Variants in CEP290 observed in about 807,000 individuals in gnomAD.
The protein encoded by CEP290 is centrosomal protein of 290 kDa.
CEP290 carries 317 observed loss-of-function variants against 344.9 expected under a neutral mutation model. The observed-to-expected ratio is 0.92, with a 90% CI of 0.84 to 1.01. The LOEUF (loss-of-function observed/expected upper bound fraction) is 1.01, where lower values mean the gene tolerates loss of function less well. Among genes scored for constraint, CEP290 ranks in the 50% least tolerant of loss-of-function variants. CEP290 has a pLI of 0.00. For missense variants in CEP290, 2,754 were observed against 2,761.4 expected, an observed-to-expected ratio of 1.00 and a Z score of 0.06; for synonymous variants, 932 against 895.8, an observed-to-expected ratio of 1.04 and a Z score of -0.72.
At position 88,089,570 on chromosome 12, in the gene CEP290, A is replaced by C. The variant is rs1012509148; in HGVS notation, c.3574-83T>G. 5 of 1,086,612 alleles carry C rather than the reference A, an allele frequency of 4.6e-6. No homozygotes were observed. In the African/African-American group the frequency reaches 8.0e-5, roughly 17 times the overall value. 67.3% of individuals were successfully genotyped at this position (1,086,612 alleles called of 1,614,324 possible). A position where few individuals can be genotyped will look rare whatever the true frequency, so the allele number is the denominator to read the frequency against. Reference sequence around the variant, plus strand: ...ATCACAGATTTAAAATTCACAATTTACTAAGCAAAGTTTTAACACAGTGGC... The same window carrying C: ...ATCACAGATTTAAAATTCACAATTTCCTAAGCAAAGTTTTAACACAGTGGC... On this transcript the variant is annotated intron_variant, in intron 30 of 53. Transcript: ENST00000552810.
chr12:88,133,108 T>C (rs2960424), intron 6 of CEP290, among the ~76,000 whole-genome samples: 136,451 of 147,026 alleles, frequency 0.93, 63,420 homozygotes, highest in East Asian at 0.99. Context: ...CAAACTCTAG[T>C]TTTGTTGCTA....
intron 52 of CEP290, 128 bp from the exon 53 acceptor site, chr12:88,050,561 A>G: frequency 1.9e-6 from 1 of 520,112 alleles, no homozygotes. Flanking sequence ...ACTGGATGTT[A>G]TGGCTGAAAT....
chr12:88,059,963 A>T lies in CEP290; in HGVS notation c.6580T>A (p.Ser2194Thr), dbSNP rs768539400. The T allele has an allele frequency of 1.9e-6, 3 of 1,589,670 alleles. No individual in the cohort carries two copies. In the East Asian group the frequency reaches 6.8e-5, roughly 36 times the overall value. Residue 2194 changes from serine (S) to threonine (T), a missense_variant, in exon 48 of 54, where the codon TCC becomes ACC. Physicochemically the swap from Ser to Thr is moderately conservative, Grantham distance 58 (BLOSUM62 1). Coordinates refer to ENST00000552810, the MANE Select transcript of CEP290 (RefSeq NM_025114.4). ...ATTTTTTCTGTGCCTTTGGTCTTGG[A>T]TTCATAGTGCATGCTCAACTGATGC... ...LGHQLSMHYE[S>T]KTKGTEKIIA...
chr12:88,126,301 C>A lies in CEP290; in HGVS notation c.1065+15G>T. 7.0e-7 allele frequency: 1 copy of A among 1,435,326 alleles called. No individual in the cohort carries two copies. 88.9% of individuals were successfully genotyped at this position (1,435,326 alleles called of 1,614,324 possible). ...ATAAAACTGGTTGATAAACAAAATT[C>A]TGTTAAGATTTTACCTGCTGTAGAG... is the stretch of plus-strand genomic sequence containing the variant. On this transcript the variant is annotated intron_variant, in intron 12 of 53. Transcript: ENST00000552810.
Position 88,062,772 on chromosome 12 carries a change from C to G in CEP290, c.6277G>C (p.Val2093Leu). 1.3e-6 allele frequency: 2 copies of G among 1,569,156 alleles called. No individual in the cohort carries two copies. Among genetic ancestry groups the G allele is most frequent in the Non-Finnish European group, 1.7e-6 (2 of 1,152,404 alleles). Residue 2093 changes from valine to leucine, a missense_variant, in exon 46 of 54, where the codon GTC (valine) becomes CTC (leucine). Coordinates refer to ENST00000552810, the MANE Select transcript of CEP290 (RefSeq NM_025114.4). The stretch of plus-strand genomic sequence containing the variant: ...TCACACATTTCCTTCAAATCTCTGA[C>G]TTGATTCTGAAAGATAACAAGCAAA... Reference protein sequence around the residue: ...NKDLPRLKNQVRDLKEMCEFL... With the variant: ...NKDLPRLKNQLRDLKEMCEFL...
At chr12:88,077,419 A>G in intron 40 of CEP290, 75 bp from the exon 41 acceptor site, 2 of 999,158 alleles carry the variant, frequency 2.0e-6, no homozygotes, top group South Asian at 1.8e-5. Context: ...TTTCAATTAT[A>G]TAATAGCAAC....
At position 88,102,968 on chromosome 12, in the gene CEP290, T is replaced by C. The variant is rs886049882; in HGVS notation, c.2861A>G (p.Asp954Gly). The C allele has an allele frequency of 1.3e-6, 2 of 1,581,882 alleles. No individual in the cohort carries two copies. Among genetic ancestry groups the C allele is most frequent in the Admixed American group, 1.9e-5 (1 of 53,432 alleles). ...FKIAALQKVV[D>G]NSVSLSELEL... is the part of the protein sequence containing the mutation. ...TAGTTCAGACAAAGAAACACTATTA[T>C]CTACAACTTTTTGGAGAGCTGCAAT... The change falls in exon 26 of 54, where the codon GAT (aspartate) becomes GGT (glycine). Residue 954 changes from aspartate to glycine, a missense_variant. Transcript: ENST00000552810.
chr12:88,090,936 G>A (rs949045253), intron 29 of CEP290, 97 bp from the exon 30 acceptor site: 22 of 629,920 alleles, frequency 3.5e-5, no homozygotes, highest in African/African-American at 1.5e-4. Context: ...AAAGCCATTC[G>A]TTTTCAGCAT....
At chr12:88,098,032 TA>T (rs2037567155) in intron 26 of CEP290, among the ~76,000 whole-genome samples, 1 of 152,100 alleles carries the variant, frequency 6.6e-6, no homozygotes, top group Non-Finnish European at 1.5e-5. Context: ...GTTGGCCGAT[TA>T]CGGTGGCTCA....
At chr12:88,133,887 A>G (rs2040216231) in intron 6 of CEP290, among the ~76,000 whole-genome samples, 1 of 152,178 alleles carries the variant, frequency 6.6e-6, no homozygotes, top group African/African-American at 2.4e-5. Context: ...AAAGCATTTA[A>G]TGCTATTAAT....
rs748429036 is a variant in CEP290, at chr12:88,136,707, T to A, written c.377A>T (p.Gln126Leu). The A allele has an allele frequency of 1.2e-6, 2 of 1,613,766 alleles. No homozygotes were observed. The highest frequency in any genetic ancestry group is 1.7e-6 in the Non-Finnish European group (2 of 1,179,758). Residue 126 changes from glutamine (Q) to leucine (L), a missense_variant, in exon 6 of 54, where the codon CAA (glutamine) becomes CTA (leucine). By Grantham distance (113) the Gln-to-Leu change is moderately radical. Transcript: ENST00000552810. The part of the protein sequence containing the change: ...EICQLEKQLE[Q>L]KDRELEDMEK... ...CATGTCCTCCAATTCTCTATCTTTT[T>A]GTTCTAATTGTTTTTCAAGTTGGCA...
intron 52 of CEP290, among the ~76,000 whole-genome samples, chr12:88,050,857 C>G (rs1486817824): frequency 2.0e-5 from 3 of 152,184 alleles, no homozygotes; most frequent in African/African-American, 4.8e-5. Context: ...GGTTATTACA[C>G]ATTTACTGTG....
chr12:88,073,253 G>A (rs1453789581), intron 41 of CEP290, among the ~76,000 whole-genome samples: 1 of 152,146 alleles, frequency 6.6e-6, no homozygotes, highest in Non-Finnish European at 1.5e-5. Flanking sequence ...GCTGAGAACT[G>A]CACCAACAAT....
chr12:88,083,108 C>A lies in CEP290; in HGVS notation c.4935G>T (p.Lys1645Asn). 6.5e-7 allele frequency: 1 copy of A among 1,540,206 alleles called. No homozygotes were observed. Among genetic ancestry groups the A allele is most frequent in the Non-Finnish European group, 8.8e-7 (1 of 1,142,178 alleles). ...GTCTCTCCAAATCTTGTGATACTTT[C>A]TTTAGTTTGACCAAGAGTGAGGAAA... The part of the protein sequence containing the change: ...DSLSSLLVKL[K>N]KVSQDLERQR... The change falls in exon 37 of 54, where the codon AAG becomes AAT. Residue 1645 changes from lysine to asparagine, a missense_variant. Coordinates refer to ENST00000552810, the MANE Select transcript of CEP290 (RefSeq NM_025114.4).
chr12:88,085,633 T>A (rs1041146106), intron 34 of CEP290, among the ~76,000 whole-genome samples: 1 of 152,128 alleles, frequency 6.6e-6, no homozygotes, highest in Non-Finnish European at 1.5e-5. Context: ...AAACAGAAAG[T>A]AATTTCTAAT....
At chr12:88,062,181 T>C (rs553374813) in intron 46 of CEP290, among the ~76,000 whole-genome samples, 1 of 152,334 alleles carries the variant, frequency 6.6e-6, no homozygotes, top group African/African-American at 2.4e-5. Flanking sequence ...CTTCCATTTA[T>C]GACACTCAGC....
chr12:88,072,732 T>C (rs1329593649), intron 41 of CEP290, among the ~76,000 whole-genome samples: 1 of 152,116 alleles, frequency 6.6e-6, no homozygotes, highest in Non-Finnish European at 1.5e-5. Context: ...GTGCTAACCA[T>C]GTGCCAAGTA....
chr12:88,083,668 A>C (rs1190659827), intron 36 of CEP290, among the ~76,000 whole-genome samples, 179 bp downstream of exon 36: 1 of 152,188 alleles, frequency 6.6e-6, no homozygotes, highest in Non-Finnish European at 1.5e-5. Context: ...AAGAATTATA[A>C]ATATAATTTT....
At chr12:88,139,816 C>A (rs1031705685) in intron 3 of CEP290, among the ~76,000 whole-genome samples, 13 of 152,326 alleles carry the variant, frequency 8.5e-5, no homozygotes, top group Non-Finnish European at 1.5e-5. Context: ...CAACCTCCTG[C>A]CTCCTGGGCT....
Sources: allele counts gnomAD v4.1 joint callset (sites outside exome capture counted in the v4.1 genomes callset), GRCh38; gene constraint gnomAD v4.1.1; transcripts MANE v1.5; gene names NCBI Gene and HGNC (gene_info 2026-07-23, HGNC 2026-07-21).